RAPGEF1: variants seen among roughly 807,000 people sequenced by gnomAD.
RAPGEF1 encodes the protein Rap guanine nucleotide exchange factor 1, also known as CRK SH3-binding GNRP.
In RAPGEF1, 33 loss-of-function variants were observed where a neutral mutation model predicts 143.3. The ratio of observed to expected loss-of-function variants is 0.23; its 90% CI spans 0.17 to 0.31. The LOEUF (loss-of-function observed/expected upper bound fraction) is 0.31, where lower values mean the gene tolerates loss of function less well. Among genes scored for constraint, RAPGEF1 ranks in the 10% least tolerant of loss-of-function variants. The probability of loss-of-function intolerance (pLI) is 1.00; values close to 1 mark genes in which losing one functional copy is unlikely to be tolerated. For missense variants in RAPGEF1, 1,199 were observed against 1,645.4 expected (o/e 0.73, Z 4.69); for synonymous variants, 629 against 676.5 (o/e 0.93, Z 1.09).
Position 131,641,736 on chromosome 9 carries a change from G to A in RAPGEF1, c.494+1503C>T, listed in dbSNP as rs1342291401. On this transcript the variant is annotated intron_variant, in intron 4 of 26. Coordinates refer to ENST00000683357, the MANE Select transcript of RAPGEF1 (RefSeq NM_001377935.1). This position sits in a 1 kb window ranked among gnomAD's most constrained non-coding sequence, Gnocchi z 4.6. ...CCAGCACCGAACACTTCTAAGAGCC[G>A]GAGCTGGACTGACTCTGGGAAAGAC... Among the ~76,000 whole-genome samples, 1 of 152,164 alleles carries A rather than the reference G, an allele frequency of 6.6e-6. No homozygotes were observed. The highest frequency in any genetic ancestry group is 2.4e-5 in the African/African-American group (1 of 41,432).
At chr9:131,680,436 T>A (rs1026530365) in intron 1 of RAPGEF1, among the ~76,000 whole-genome samples, 1 of 152,194 alleles carries the variant, frequency 6.6e-6, no homozygotes, top group African/African-American at 2.4e-5. Flanking sequence ...ATAAACGGAA[T>A]CTCTGCAGCA....
chr9:131,738,027 C>G (rs1837534865), intron 1 of RAPGEF1, among the ~76,000 whole-genome samples: 1 of 151,850 alleles, frequency 6.6e-6, no homozygotes, highest in Admixed American at 6.6e-5. Context: ...TTTGCCCAGG[C>G]TTGTTTCAAA....
rs755309022 is a variant in RAPGEF1 at position 131,587,725 on chromosome 9, G to A, written c.3233+11C>T. 6.2e-7 allele frequency: 1 copy of A among 1,611,566 alleles called. No individual in the cohort carries two copies. The highest frequency in any genetic ancestry group is 1.7e-5 in the Admixed American group (1 of 59,756). ...CCAGAGCAACAGGGCTTGGCGCTGGGCCTCTCTTACCAGTAGGACATGTTG... is the reference window on the plus strand; with the variant it reads ...CCAGAGCAACAGGGCTTGGCGCTGGACCTCTCTTACCAGTAGGACATGTTG... On this transcript the variant is annotated intron_variant, in intron 22 of 26. Transcript: ENST00000683357.
chr9:131,600,492 G>A (rs991123682), intron 15 of RAPGEF1, among the ~76,000 whole-genome samples: 3 of 152,234 alleles, frequency 2.0e-5, no homozygotes, highest in Admixed American at 6.5e-5. Context: ...GAGAGCACAA[G>A]AGTGGCCAGG....
At position 131,605,126 on chromosome 9, in the gene RAPGEF1, C is replaced by T. The variant is rs752285493; in HGVS notation, c.2124G>A (p.Pro708=). The T allele has an allele frequency of 4.0e-5, 55 of 1,363,160 alleles. No individual in the cohort carries two copies. Among genetic ancestry groups the T allele is most frequent in the Non-Finnish European group, 4.6e-5 (47 of 1,020,384 alleles). 84.4% of individuals were successfully genotyped at this position (1,363,160 alleles called of 1,614,324 possible). Residue 708 remains proline (P), a synonymous_variant, in exon 13 of 27, where the codon CCG becomes CCA. Transcript: ENST00000683357. The stretch of plus-strand genomic sequence containing the variant: ...AAGAGGAGGTAGGCGGAAGGAAAGG[C>T]GGAACGGAAGCTTGGTGGTGAGGCA... The part of the protein sequence containing the change: ...DFVPHHQASV[P]PFLPPTSSSS...
intron 1 of RAPGEF1, among the ~76,000 whole-genome samples, chr9:131,716,247 C>A (rs1249943808): frequency 6.6e-6 from 1 of 152,206 alleles, no homozygotes; most frequent in East Asian, 1.9e-4. Flanking sequence ...TTCAAGGACC[C>A]CCCCAATGAT....
chr9:131,737,346 CA>C, intron 1 of RAPGEF1: 11 of 1,612,380 alleles, frequency 6.8e-6, no homozygotes, highest in Non-Finnish European at 9.3e-6. Context: ...GAGCCTAGCA[CA>C]AACACTGTCC....
At chr9:131,678,024 A>C (rs904616714) in intron 1 of RAPGEF1, among the ~76,000 whole-genome samples, 25 of 152,264 alleles carry the variant, frequency 1.6e-4, no homozygotes, top group African/African-American at 6.0e-4. Context: ...TAATTAATAG[A>C]ACATACTCAC....
rs1953472040 is a variant in RAPGEF1, at chr9:131,588,040, G to A, written c.3054-14C>T. ...AAGGTCCCCGGCCTGGAAGACAGAG[G>A]TGTGAGAAGAGCCGTCAGGGGTGGG... On this transcript the variant is annotated splice_polypyrimidine_tract_variant and intron_variant, in intron 20 of 26. Transcript: ENST00000683357. The A allele has an allele frequency of 1.2e-6, 2 of 1,608,238 alleles. No homozygotes were observed. The highest frequency in any genetic ancestry group is 1.7e-6 in the Non-Finnish European group (2 of 1,177,230).
intron 15 of RAPGEF1, chr9:131,598,602 C>G (rs1036902362): frequency 3.8e-6 from 2 of 528,500 alleles, no homozygotes; most frequent in African/African-American, 3.8e-5. Flanking sequence ...CCACTCCCTG[C>G]CAAGGCCCAC....
At chr9:131,645,559 A>G (rs963746790) in intron 3 of RAPGEF1, among the ~76,000 whole-genome samples, 25 of 152,170 alleles carry the variant, frequency 1.6e-4, no homozygotes, top group Non-Finnish European at 1.3e-4. Context: ...CTCAGATTCT[A>G]CTCCCAGAAT....
chr9:131,677,795 A>G lies in RAPGEF1; in HGVS notation c.62-26846T>C, dbSNP rs113324812. On this transcript the variant is annotated intron_variant, in intron 1 of 26. Transcript: ENST00000683357. ...GGGAAGGCAAATGAAACAGGCTCAGAAGACAAACAAGCGGCCAGCTGCTGC... is the reference window on the plus strand; with the variant it reads ...GGGAAGGCAAATGAAACAGGCTCAGGAGACAAACAAGCGGCCAGCTGCTGC... 7.6e-4 allele frequency among the ~76,000 whole-genome samples: 116 copies of G among 152,340 alleles called. 1 individual carries two copies. The highest frequency in any genetic ancestry group is 2.5e-3 in the African/African-American group (106 of 41,572).
intron 12 of RAPGEF1, among the ~76,000 whole-genome samples, chr9:131,606,091 A>G (rs1957071885): frequency 6.6e-6 from 1 of 152,066 alleles, no homozygotes; most frequent in Non-Finnish European, 1.5e-5. Context: ...AACAAATGTG[A>G]TCTTACAACA....
intron 1 of RAPGEF1, among the ~76,000 whole-genome samples, chr9:131,688,163 G>A (rs1466194134): frequency 8.5e-5 from 13 of 152,152 alleles, no homozygotes; most frequent in Admixed American, 6.5e-4. Context: ...TGGAGATGCC[G>A]TGCCAGATGA....
intron 9 of RAPGEF1, 67 bp downstream of exon 9, chr9:131,627,846 C>G: frequency 6.6e-7 from 1 of 1,506,866 alleles, no homozygotes; most frequent in Non-Finnish European, 8.9e-7. Flanking sequence ...GGACTCCCAC[C>G]CAGGACTGTA....
At chr9:131,659,341 CT>C (rs1260237618) in intron 1 of RAPGEF1, among the ~76,000 whole-genome samples, 1 of 151,658 alleles carries the variant, frequency 6.6e-6, no homozygotes, top group East Asian at 1.9e-4. Flanking sequence ...TTTTTTAAAT[CT>C]ATTTATTTAT....
Position 131,605,143 on chromosome 9 carries a change from G to C in RAPGEF1, c.2107C>G (p.His703Asp). Reference protein sequence around the residue: ...RSYSQDFVPHHQASVPPFLPP... With the variant: ...RSYSQDFVPHDQASVPPFLPP... ...AGGAAAGGCGGAACGGAAGCTTGGT[G>C]GTGAGGCACGAAATCCTGGGAGTAG... is the stretch of plus-strand genomic sequence containing the variant. The change falls in exon 13 of 27, where the codon CAC (histidine) becomes GAC (aspartate). Residue 703 changes from histidine to aspartate, a missense_variant. This residue lies in a region of RAPGEF1 where 293 missense variants were observed against 356.2 expected (regional missense o/e 0.82). Coordinates refer to ENST00000683357, the MANE Select transcript of RAPGEF1 (RefSeq NM_001377935.1). 7.3e-7 allele frequency: 1 copy of C among 1,362,110 alleles called. No homozygotes were observed. The highest frequency in any genetic ancestry group is 9.8e-7 in the Non-Finnish European group (1 of 1,019,644). 84.4% of individuals were successfully genotyped at this position (1,362,110 alleles called of 1,614,324 possible). A position where few individuals can be genotyped will look rare whatever the true frequency, so the allele number is the denominator to read the frequency against.
intron 5 of RAPGEF1, among the ~76,000 whole-genome samples, chr9:131,636,457 T>C (rs1000372307): frequency 1.3e-5 from 2 of 152,054 alleles, no homozygotes; most frequent in Non-Finnish European, 2.9e-5. Context: ...CTTTGAAAAA[T>C]CAAGGAAATT....
At chr9:131,600,419 C>T (rs1400288164) in intron 15 of RAPGEF1, among the ~76,000 whole-genome samples, 2 of 152,188 alleles carry the variant, frequency 1.3e-5, no homozygotes, top group East Asian at 1.9e-4. Flanking sequence ...AGAAACCACA[C>T]CATTCCTGGC....
Sources: allele counts gnomAD v4.1 joint callset (sites outside exome capture counted in the v4.1 genomes callset), GRCh38; gene constraint gnomAD v4.1.1; regional missense constraint gnomAD v4.1.1; non-coding constraint Gnocchi (gnomAD v3.1); transcripts MANE v1.5; gene names NCBI Gene and HGNC (gene_info 2026-07-23, HGNC 2026-07-21).